BICC1: variants seen among roughly 807,000 people sequenced by gnomAD.
BICC1 encodes the protein protein bicaudal C homolog 1.
Under a neutral mutation model 111.0 loss-of-function variants are expected in BICC1, and 43 were observed. That is an observed-to-expected ratio of 0.39 (90% CI 0.30 to 0.50). The LOEUF (loss-of-function observed/expected upper bound fraction) is 0.50, where lower values mean the gene tolerates loss of function less well. Among genes scored for constraint, BICC1 ranks in the 20% least tolerant of loss-of-function variants. The probability of loss-of-function intolerance (pLI) is 0.88; values close to 1 mark genes in which losing one functional copy is unlikely to be tolerated. For missense variants in BICC1, 1,091 were observed against 1,203.2 expected, an observed-to-expected ratio of 0.91 and a Z score of 1.38; for synonymous variants, 467 against 434.4, an observed-to-expected ratio of 1.07 and a Z score of -0.93.
At chr10:58,618,838 G>A (rs1216461703) in intron 1 of BICC1, among the ~76,000 whole-genome samples, 1 of 152,190 alleles carries the variant, frequency 6.6e-6, no homozygotes, top group Non-Finnish European at 1.5e-5. Flanking sequence ...GGTTTTCACT[G>A]GGCTGAAAGC....
chr10:58,586,309 C>A (rs867476107), intron 1 of BICC1, among the ~76,000 whole-genome samples: 7 of 152,118 alleles, frequency 4.6e-5, no homozygotes, highest in Middle Eastern at 3.2e-3. Flanking sequence ...GTGATTAAGA[C>A]CCAATCCCTG....
chr10:58,581,892 A>T (rs564441573), intron 1 of BICC1, among the ~76,000 whole-genome samples: 1 of 152,072 alleles, frequency 6.6e-6, no homozygotes, highest in South Asian at 2.1e-4. Flanking sequence ...TAATCATCAA[A>T]TTCCTCTCTA....
chr10:58,571,876 G>T (rs1028542457), intron 1 of BICC1, among the ~76,000 whole-genome samples: 58 of 152,078 alleles, frequency 3.8e-4, no homozygotes, highest in Admixed American at 3.8e-3. Flanking sequence ...GTGTCGAATG[G>T]TATTTCTGCC....
chr10:58,787,152 CT>C (rs1306666878), intron 5 of BICC1, 71 bp downstream of exon 5: 20 of 1,372,796 alleles, frequency 1.5e-5, no homozygotes, highest in South Asian at 4.8e-5. Context: ...GTTTGCCTAT[CT>C]TTTTTTTCTG....
intron 2 of BICC1, among the ~76,000 whole-genome samples, chr10:58,693,460 A>G (rs2132418746): frequency 6.6e-6 from 1 of 152,332 alleles, no homozygotes; most frequent in East Asian, 1.9e-4. Flanking sequence ...TGGTTGAACT[A>G]GTTTACAGTC....
At chr10:58,828,728 G>A in intron 20 of BICC1, 33 bp from the exon 21 acceptor site, 1 of 1,607,074 alleles carries the variant, frequency 6.2e-7, no homozygotes, top group South Asian at 1.1e-5. Flanking sequence ...AACTTCTCTT[G>A]AGCTCCTAAC....
chr10:58,712,898 T>C (rs569406225), intron 3 of BICC1, among the ~76,000 whole-genome samples: 2 of 152,258 alleles, frequency 1.3e-5, no homozygotes, highest in East Asian at 3.9e-4. Context: ...CTCTGTACTT[T>C]CCACTTGATT....
At chr10:58,665,551 G>A (rs7920983) in intron 2 of BICC1, among the ~76,000 whole-genome samples, 151,857 of 152,260 alleles carry the variant, frequency 1, 75,729 homozygotes, top group Middle Eastern at 1. Flanking sequence ...GAATTCTATC[G>A]CCAATAGTGC....
intron 3 of BICC1, among the ~76,000 whole-genome samples, chr10:58,765,445 A>G (rs1235457424): frequency 1.3e-5 from 2 of 152,128 alleles, no homozygotes; most frequent in Non-Finnish European, 2.9e-5. Context: ...AAACATTTTT[A>G]TTTACATTCA....
intron 2 of BICC1, chr10:58,650,803 C>T (rs1838423211): frequency 6.6e-6 from 1 of 152,032 alleles, no homozygotes. Flanking sequence ...AACTCAGGCT[C>T]CTCGTATCCT....
intron 3 of BICC1, among the ~76,000 whole-genome samples, chr10:58,775,387 A>C (rs1589127133): frequency 1.3e-5 from 2 of 150,602 alleles, no homozygotes; most frequent in African/African-American, 5.0e-5. Context: ...AAAAAACAAA[A>C]AACAAAAAAC....
At chr10:58,601,860 TC>T (rs1276634549) in intron 1 of BICC1, among the ~76,000 whole-genome samples, 1 of 152,062 alleles carries the variant, frequency 6.6e-6, no homozygotes, top group African/African-American at 2.4e-5. Context: ...GAATTGAAGA[TC>T]AAAAATTTAT....
intron 20 of BICC1, chr10:58,823,492 G>T (rs978014783): frequency 2.0e-6 from 2 of 984,196 alleles, no homozygotes; most frequent in Non-Finnish European, 2.4e-6. Flanking sequence ...CTTAGAAACT[G>T]TATCGATTAG....
At chr10:58,555,357 A>C (rs1843420190) in intron 1 of BICC1, among the ~76,000 whole-genome samples, 1 of 144,104 alleles carries the variant, frequency 6.9e-6, no homozygotes, top group Non-Finnish European at 1.5e-5. Flanking sequence ...CTAGGACGTA[A>C]GCAGCAATAC....
intron 1 of BICC1, among the ~76,000 whole-genome samples, chr10:58,521,737 G>A (rs940292843): frequency 7.4e-6 from 1 of 135,012 alleles, no homozygotes; most frequent in Non-Finnish European, 1.6e-5. Context: ...TTTAAAAGTT[G>A]TGGGCATGAA....
intron 20 of BICC1, among the ~76,000 whole-genome samples, chr10:58,826,425 G>GA (rs914328195): frequency 2.6e-5 from 4 of 151,798 alleles, no homozygotes; most frequent in Non-Finnish European, 4.4e-5. Flanking sequence ...TCCTATTCTG[G>GA]AAAAAAAATG....
chr10:58,609,076 T>G (rs997596324), intron 1 of BICC1, among the ~76,000 whole-genome samples: 24 of 152,204 alleles, frequency 1.6e-4, no homozygotes, highest in African/African-American at 5.8e-4. Flanking sequence ...GCCATGTTAT[T>G]ACAAATACAA....
intron 3 of BICC1, chr10:58,715,785 G>C: frequency 7.0e-7 from 1 of 1,433,186 alleles, no homozygotes; most frequent in Non-Finnish European, 9.7e-7. Flanking sequence ...AAAACACAGG[G>C]AGAAATTGTT....
intron 20 of BICC1, chr10:58,824,236 ACCTGTGTGGG>A (rs1844331881): frequency 3.3e-6 from 1 of 300,540 alleles, no homozygotes; most frequent in Non-Finnish European, 4.9e-6. Context: ...GTCACTTAGT[ACCTGTGTGGG>A]CAAGTGACTT....
Sources: allele counts gnomAD v4.1 joint callset (sites outside exome capture counted in the v4.1 genomes callset), GRCh38; gene constraint gnomAD v4.1.1; transcripts MANE v1.5; gene names NCBI Gene and HGNC (gene_info 2026-07-23, HGNC 2026-07-21).